BSDC1: variants seen among roughly 807,000 people sequenced by gnomAD.
The protein encoded by BSDC1 is BSD domain containing 1.
In BSDC1, 29 loss-of-function variants were observed where a neutral mutation model predicts 56.0. The observed-to-expected ratio is 0.52, with a 90% CI of 0.39 to 0.71. BSDC1 has a LOEUF of 0.71. Among genes scored for constraint, BSDC1 ranks in the 30% least tolerant of loss-of-function variants. The pLI, the probability that BSDC1 is intolerant of heterozygous loss-of-function variation, is 0.00. For missense variants in BSDC1, 477 were observed against 548.5 expected (o/e 0.87, Z 1.30); for synonymous variants, 210 against 215.3 (o/e 0.98, Z 0.21).
chr1:32,383,816 CTG>C lies in BSDC1; in HGVS notation c.357+12_357+13del. The C allele has an allele frequency of 6.2e-7, 1 of 1,611,240 alleles. No individual in the cohort carries two copies. Among genetic ancestry groups the C allele is most frequent in the Non-Finnish European group, 8.5e-7 (1 of 1,179,172 alleles). On this transcript the variant is annotated intron_variant, in intron 4 of 10. Transcript: ENST00000455895. ...AGATGTTAGGCATCTGCAGGGGAGA[CTG>C]TCAGTGAATACCTTGGTGCCATCAT...
chr1:32,388,454 C>T (rs1440769433), intron 2 of BSDC1, among the ~76,000 whole-genome samples: 3 of 152,226 alleles, frequency 2.0e-5, no homozygotes, highest in Non-Finnish European at 4.4e-5. Flanking sequence ...CTGCCACCAT[C>T]TTAGTCCAGG....
intron 9 of BSDC1, among the ~76,000 whole-genome samples, chr1:32,372,017 G>C (rs570374353): frequency 6.6e-6 from 1 of 152,352 alleles, no homozygotes; most frequent in Admixed American, 6.5e-5. Context: ...GGCTGGGAAG[G>C]CTGCATTATA....
chr1:32,385,273 C>T lies in BSDC1; in HGVS notation c.190-1276G>A, dbSNP rs142115322. ...TATAAGAGGTTTCCACTGTACATTT[C>T]TGATTAATAAAAACAGTATTGGGGG... On this transcript the variant is annotated intron_variant, in intron 3 of 10. Coordinates refer to ENST00000455895, the MANE Select transcript of BSDC1 (RefSeq NM_018045.8). Among the ~76,000 whole-genome samples the T allele has an allele frequency of 6.6e-4, 101 of 152,244 alleles. 1 individual carries two copies. Among genetic ancestry groups the T allele is most frequent in the Non-Finnish European group, 1.4e-3 (95 of 68,018 alleles).
intron 4 of BSDC1, among the ~76,000 whole-genome samples, chr1:32,381,783 C>T (rs1642482939): frequency 6.6e-6 from 1 of 152,188 alleles, no homozygotes; most frequent in Non-Finnish European, 1.5e-5. Context: ...GAAGCATGGG[C>T]TATGTGTAAG....
Position 32,378,719 on chromosome 1 carries a change from C to T in BSDC1, c.528+5G>A. On this transcript the variant is annotated splice_donor_5th_base_variant and intron_variant, in intron 6 of 10. Coordinates refer to ENST00000455895, the MANE Select transcript of BSDC1 (RefSeq NM_018045.8). This position sits in a 1 kb window ranked among gnomAD's most constrained non-coding sequence, Gnocchi z 5.2. ...TGGCTGAGGCCCTGCAGGCTGGGCC[C>T]TCACCATCTTGGTGTAGAGGGCCCG... 6.7e-7 allele frequency: 1 copy of T among 1,486,982 alleles called. No individual in the cohort carries two copies. Among genetic ancestry groups the T allele is most frequent in the Non-Finnish European group, 9.0e-7 (1 of 1,116,940 alleles). The allele number at this position is 1,486,982 out of a possible 1,614,324, so 92.1% of individuals were successfully genotyped here. A position where few individuals can be genotyped will look rare whatever the true frequency, so the allele number is the denominator to read the frequency against.
intron 9 of BSDC1, among the ~76,000 whole-genome samples, chr1:32,374,526 C>T (rs1445352835): frequency 6.6e-6 from 1 of 152,240 alleles, no homozygotes; most frequent in Non-Finnish European, 1.5e-5. Context: ...AGTTCTATTT[C>T]TGAGTCAACC....
chr1:32,375,163 T>C lies in BSDC1; in HGVS notation c.1156+1099A>G, dbSNP rs562086032. Among the ~76,000 whole-genome samples the C allele has an allele frequency of 2.7e-5, 4 of 150,666 alleles. No homozygotes were observed. In the East Asian group the frequency reaches 5.9e-4, roughly 22 times the overall value. ...AGACTCCGCCTCAAAAAAAAAACAA[T>C]AAAAACCAGGTAGGAGCCCAATGGA... On this transcript the variant is annotated intron_variant, in intron 9 of 10. Coordinates refer to ENST00000455895, the MANE Select transcript of BSDC1 (RefSeq NM_018045.8).
At position 32,365,181 on chromosome 1, in the gene BSDC1, CTTT is replaced by C. The variant is rs1419934247; in HGVS notation, c.*1438_*1440del. On this transcript the variant is annotated 3_prime_UTR_variant, in exon 11 of 11. Transcript: ENST00000455895. ...TTCAGGACAAAGTTCTTTTTTCTTTCTTTTTTAATTATAAAACTAACAGCTGTT... is the reference window on the plus strand; with the variant it reads ...TTCAGGACAAAGTTCTTTTTTCTTTCTTTAATTATAAAACTAACAGCTGTT... 2 of 152,122 alleles carry C rather than the reference CTTT, an allele frequency of 1.3e-5. No homozygotes were observed. The highest frequency in any genetic ancestry group is 2.9e-5 in the Non-Finnish European group (2 of 68,002). 9.4% of individuals were successfully genotyped at this position (152,122 alleles called of 1,614,324 possible).
rs75855589 is a variant in BSDC1 at position 32,389,090 on chromosome 1, G to A, written c.73-2195C>T. 1.1e-3 allele frequency among the ~76,000 whole-genome samples: 162 copies of A among 152,122 alleles called. 2 individuals are homozygous for A. The East Asian group carries it at 0.025, about 23-fold the overall frequency. On this transcript the variant is annotated intron_variant, in intron 2 of 10. Coordinates refer to ENST00000455895, the MANE Select transcript of BSDC1 (RefSeq NM_018045.8). ...CTGCCTCAGCCTCCCGAGTAGCTGG[G>A]ACTACAGGCGCCCGCCACCAAGCCC...
Position 32,365,037 on chromosome 1 carries a change from TGG to T in BSDC1, c.*1583_*1584del, listed in dbSNP as rs1641793005. The T allele has an allele frequency of 6.6e-6, 1 of 152,172 alleles. No individual in the cohort carries two copies. Among genetic ancestry groups the T allele is most frequent in the African/African-American group, 2.4e-5 (1 of 41,416 alleles). The allele number at this position is 152,172 out of a possible 1,614,324, so 9.4% of individuals were successfully genotyped here. On this transcript the variant is annotated 3_prime_UTR_variant, in exon 11 of 11. Coordinates refer to ENST00000455895, the MANE Select transcript of BSDC1 (RefSeq NM_018045.8). ...CCCCTACCCTGTCTCTGGCTCCAAG[TGG>T]GAAGCCAGTCCTGCCCTGGCCCAGT... is the stretch of plus-strand genomic sequence containing the variant.
At chr1:32,369,129 A>AC in intron 9 of BSDC1, 1 of 498,794 alleles carries the variant, frequency 2.0e-6, no homozygotes, top group Non-Finnish European at 3.3e-6. Flanking sequence ...ACAGGGAATT[A>AC]GACAAGTAAA....
intron 2 of BSDC1, among the ~76,000 whole-genome samples, chr1:32,389,784 C>A (rs1055509592): frequency 1.4e-5 from 2 of 145,986 alleles, no homozygotes; most frequent in Non-Finnish European, 3.0e-5. Flanking sequence ...AAAACCGTCT[C>A]CACACACACA....
chr1:32,393,170 T>C (rs971223892), intron 2 of BSDC1, among the ~76,000 whole-genome samples: 1 of 152,184 alleles, frequency 6.6e-6, no homozygotes, highest in Non-Finnish European at 1.5e-5. Context: ...TTGAGGTAAA[T>C]AGTAATCAAC....
chr1:32,370,046 T>C (rs1223862466), intron 9 of BSDC1, among the ~76,000 whole-genome samples: 3 of 152,134 alleles, frequency 2.0e-5, no homozygotes, highest in African/African-American at 7.2e-5. Context: ...GGCGCGATCC[T>C]AGCTCACTGC....
At chr1:32,385,786 T>A (rs1642643288) in intron 3 of BSDC1, among the ~76,000 whole-genome samples, 1 of 152,168 alleles carries the variant, frequency 6.6e-6, no homozygotes, top group Admixed American at 6.5e-5. Flanking sequence ...TGGTACAACA[T>A]TTCTGGAGGG....
chr1:32,371,625 T>A (rs904415992), intron 9 of BSDC1, among the ~76,000 whole-genome samples: 2 of 152,010 alleles, frequency 1.3e-5, no homozygotes, highest in Admixed American at 6.6e-5. Flanking sequence ...TCTTTTTTTT[T>A]AAGTACCTTT....
intron 1 of BSDC1, 123 bp from the exon 2 acceptor site, chr1:32,394,263 C>T (rs1165701375): frequency 1.3e-6 from 2 of 1,558,786 alleles, no homozygotes; most frequent in Non-Finnish European, 8.8e-7. Flanking sequence ...TGCCCACCCC[C>T]TCACAATGCG....
At chr1:32,369,116 C>A in intron 9 of BSDC1, 1 of 435,448 alleles carries the variant, frequency 2.3e-6, no homozygotes, top group Non-Finnish European at 4.0e-6. Context: ...TGAAAGCCCA[C>A]TGACAGGGAA....
At chr1:32,377,074 T>A (rs1642317624) in intron 8 of BSDC1, among the ~76,000 whole-genome samples, 1 of 151,964 alleles carries the variant, frequency 6.6e-6, no homozygotes, top group African/African-American at 2.4e-5. Context: ...AGGCGGTGGT[T>A]GCAGTGGGCG....
Sources: gnomAD v4.1 joint callset for allele counts (sites outside exome capture counted in the v4.1 genomes callset) on GRCh38, gnomAD v4.1.1 for gene constraint, Gnocchi (gnomAD v3.1) non-coding constraint, MANE v1.5 for transcripts, NCBI Gene and HGNC (gene_info 2026-07-23, HGNC 2026-07-21) for gene names.